SUCLG2: variants seen among roughly 807,000 people sequenced by gnomAD.
The protein encoded by SUCLG2 is succinate-CoA ligase GDP-forming subunit beta.
A neutral mutation model predicts 47.9 loss-of-function variants in SUCLG2; 42 were observed. The observed-to-expected ratio is 0.88, with a 90% CI of 0.69 to 1.14. The LOEUF (loss-of-function observed/expected upper bound fraction) is 1.14. SUCLG2 is among the 50% of genes most tolerant of loss of function. SUCLG2 has a pLI of 0.00. For synonymous variants in SUCLG2, 195 were observed against 197.3 expected, an observed-to-expected ratio of 0.99 and a Z score of 0.10; for missense variants, 571 against 525.9, an observed-to-expected ratio of 1.09 and a Z score of -0.84.
chr3:67,494,502 T>A (rs1705280951), intron 9 of SUCLG2, among the ~76,000 whole-genome samples: 1 of 152,154 alleles, frequency 6.6e-6, no homozygotes, highest in Non-Finnish European at 1.5e-5. Context: ...GGCATGCACC[T>A]GTAGTCCTAG....
intron 9 of SUCLG2, among the ~76,000 whole-genome samples, chr3:67,442,548 A>G (rs1347538089): frequency 6.6e-6 from 1 of 152,224 alleles, no homozygotes; most frequent in Non-Finnish European, 1.5e-5. Flanking sequence ...TGTGAAAATG[A>G]CAGTGGCTGT....
Position 67,508,897 on chromosome 3 carries a change from C to T in SUCLG2, c.667G>A (p.Asp223Asn). The T allele has an allele frequency of 6.2e-7, 1 of 1,608,536 alleles. No individual in the cohort carries two copies. Among genetic ancestry groups the T allele is most frequent in the Non-Finnish European group, 8.5e-7 (1 of 1,177,842 alleles). The change falls in exon 7 of 11, where the codon GAT becomes AAT. Residue 223 changes from aspartate (D) to asparagine (N), a missense_variant. Physicochemically the swap from Asp to Asn is conservative, Grantham distance 23. Transcript: ENST00000307227. ...AGATTATACAGCTTCGTAATTTGAT[C>T]TGCAGCCTAAATGTGATCAAGTGAA... Reference protein sequence around the residue: ...FVGPLKSQAADQITKLYNLFL... With the variant: ...FVGPLKSQAANQITKLYNLFL...
At chr3:67,499,267 T>A (rs1212985272) in intron 7 of SUCLG2, among the ~76,000 whole-genome samples, 1 of 152,160 alleles carries the variant, frequency 6.6e-6, no homozygotes, top group Non-Finnish European at 1.5e-5. Context: ...CAGCATACAT[T>A]ACTAACTCTG....
At chr3:67,472,138 C>A (rs977046953) in intron 9 of SUCLG2, among the ~76,000 whole-genome samples, 8 of 152,010 alleles carry the variant, frequency 5.3e-5, no homozygotes, top group Admixed American at 1.3e-4. Flanking sequence ...TAAAATGAGT[C>A]CAATAGGAAC....
At chr3:67,589,582 C>T (rs1206059395) in intron 2 of SUCLG2, among the ~76,000 whole-genome samples, 1 of 152,194 alleles carries the variant, frequency 6.6e-6, no homozygotes, top group Non-Finnish European at 1.5e-5. Context: ...TTGTCCAGAG[C>T]CTATATATCC....
At chr3:67,405,178 C>G (rs4132747) in intron 9 of SUCLG2, among the ~76,000 whole-genome samples, 2 of 152,116 alleles carry the variant, frequency 1.3e-5, no homozygotes. Flanking sequence ...GGTCCCCAGA[C>G]CCCAGACAGC....
chr3:67,592,221 A>G (rs1368350851), intron 2 of SUCLG2, among the ~76,000 whole-genome samples: 2 of 152,246 alleles, frequency 1.3e-5, no homozygotes, highest in African/African-American at 4.8e-5. Context: ...CAAATGGTTC[A>G]GAGTGTAAGG....
intron 1 of SUCLG2, among the ~76,000 whole-genome samples, chr3:67,610,537 T>C (rs1251059216): frequency 6.7e-6 from 1 of 148,506 alleles, no homozygotes; most frequent in Non-Finnish European, 1.5e-5. Flanking sequence ...GAAAAATGAA[T>C]ACACTTAATG....
At chr3:67,519,113 C>T (rs963256356) in intron 5 of SUCLG2, among the ~76,000 whole-genome samples, 5 of 152,040 alleles carry the variant, frequency 3.3e-5, no homozygotes, top group Non-Finnish European at 5.9e-5. Context: ...GTGTAGTCTA[C>T]ACATTCCCCT....
chr3:67,453,985 T>C (rs1270165093), intron 9 of SUCLG2, among the ~76,000 whole-genome samples: 3 of 152,210 alleles, frequency 2.0e-5, no homozygotes, highest in Non-Finnish European at 4.4e-5. Flanking sequence ...GGCTTAAATA[T>C]TCCATTACTG....
At chr3:67,571,906 A>T (rs1322344628) in intron 2 of SUCLG2, among the ~76,000 whole-genome samples, 2 of 152,178 alleles carry the variant, frequency 1.3e-5, no homozygotes, top group Non-Finnish European at 2.9e-5. Flanking sequence ...ATCACCACTT[A>T]TGGGTGGCTT....
chr3:67,372,435 A>G (rs1444376122), downstream of SUCLG2, among the ~76,000 whole-genome samples: 6 of 152,166 alleles, frequency 3.9e-5, no homozygotes, highest in Non-Finnish European at 7.3e-5. Flanking sequence ...AAGACTAAAC[A>G]ATGCATGACA....
chr3:67,628,409 G>A (rs1377710722), intron 1 of SUCLG2, among the ~76,000 whole-genome samples: 2 of 152,204 alleles, frequency 1.3e-5, no homozygotes, highest in Non-Finnish European at 2.9e-5. Context: ...CACTATTTGG[G>A]ATGAGTGGAT....
At chr3:67,520,724 G>A in intron 4 of SUCLG2, 90 bp from the exon 5 acceptor site, 1 of 1,456,696 alleles carries the variant, frequency 6.9e-7, no homozygotes, top group South Asian at 1.4e-5. Flanking sequence ...GAATCAAATG[G>A]CTTCATTTTC....
rs537802305 is a variant in SUCLG2 at position 67,626,673 on chromosome 3, G to C, written c.85-17077C>G. On this transcript the variant is annotated intron_variant, in intron 1 of 10. Transcript: ENST00000307227. ...CTCACGCCTGTAATCCCAGCACTTT[G>C]GGAGGCCAAAGCGGGTGAATCACGA... 5.6e-4 allele frequency among the ~76,000 whole-genome samples: 85 copies of C among 152,240 alleles called. No individual in the cohort carries two copies. The East Asian group carries it at 0.012, about 22-fold the overall frequency.
intron 9 of SUCLG2, among the ~76,000 whole-genome samples, chr3:67,450,063 A>G (rs1704020226): frequency 6.6e-6 from 1 of 150,568 alleles, no homozygotes; most frequent in Non-Finnish European, 1.5e-5. Context: ...TAATTTAGAG[A>G]CAGGGTCTTG....
At position 67,427,519 on chromosome 3, in the gene SUCLG2, C is replaced by T. The variant is rs1408642202; in HGVS notation, c.1063-26668G>A. Among the ~76,000 whole-genome samples the T allele has an allele frequency of 2.6e-5, 4 of 152,184 alleles. No homozygotes were observed. The East Asian group carries it at 7.7e-4, about 29-fold the overall frequency. ...ACCTAAGTTAAATAGGAAGAGGTTC[C>T]AAGATGGCCGAATAGGAACAGCTCC... On this transcript the variant is annotated intron_variant, in intron 9 of 10. Transcript: ENST00000307227.
At chr3:67,569,805 G>C (rs1221253736) in intron 2 of SUCLG2, among the ~76,000 whole-genome samples, 1 of 152,136 alleles carries the variant, frequency 6.6e-6, no homozygotes, top group African/African-American at 2.4e-5. Context: ...ATGCTAGATG[G>C]GTTAAGATTT....
chr3:67,577,622 T>C (rs1707777084), intron 2 of SUCLG2, among the ~76,000 whole-genome samples: 1 of 152,188 alleles, frequency 6.6e-6, no homozygotes, highest in South Asian at 2.1e-4. Context: ...CTAACACATT[T>C]TGCTCAGGGC....
Sources: allele counts gnomAD v4.1 joint callset (sites outside exome capture counted in the v4.1 genomes callset), GRCh38; gene constraint gnomAD v4.1.1; transcripts MANE v1.5; gene names NCBI Gene and HGNC (gene_info 2026-07-23, HGNC 2026-07-21).